AR: variants seen among roughly 807,000 people sequenced by gnomAD.
AR encodes androgen receptor.
In AR, 8 loss-of-function variants were observed where a neutral mutation model predicts 53.9. The ratio of observed to expected loss-of-function variants is 0.15; its 90% CI spans 0.09 to 0.27. The LOEUF is 0.27. Among genes scored for constraint, AR ranks in the 10% least tolerant of loss-of-function variants. AR has a pLI of 1.00. For synonymous variants in AR, 359 were observed against 316.4 expected (o/e 1.13, Z -1.43); for missense variants, 639 against 742.5 (o/e 0.86, Z 1.62).
At chrX:67,552,554 A>T (rs775419804) in intron 1 of AR, among the ~76,000 whole-genome samples, 3 of 112,464 alleles carry the variant, frequency 2.7e-5, no homozygotes, top group African/African-American at 9.7e-5. Flanking sequence ...TTGGATACAT[A>T]CATAGGATTG....
intron 3 of AR, among the ~76,000 whole-genome samples, chrX:67,708,019 G>T (rs2076076405): frequency 8.9e-6 from 1 of 112,252 alleles, no homozygotes; most frequent in African/African-American, 3.2e-5. Context: ...TCCACTGTTA[G>T]TCTGATGGCT....
At chrX:67,562,252 A>G (rs1921355599) in intron 1 of AR, among the ~76,000 whole-genome samples, 1 of 109,751 alleles carries the variant, frequency 9.1e-6, no homozygotes, top group Non-Finnish European at 1.9e-5. Context: ...GCGTGAATCA[A>G]TGTGCCCAGC....
At chrX:67,722,681 C>A in intron 6 of AR, 146 bp from the exon 7 acceptor site, 1 of 656,167 alleles carries the variant, frequency 1.5e-6, no homozygotes, top group Non-Finnish European at 2.4e-6. Flanking sequence ...AGGCCCCAAG[C>A]ACACAGACTT....
intron 3 of AR, among the ~76,000 whole-genome samples, chrX:67,690,260 T>A (rs1279483112): frequency 2.7e-5 from 3 of 112,095 alleles, no homozygotes; most frequent in Non-Finnish European, 5.6e-5. Context: ...CATCTGAGAA[T>A]AAAAACTTAA....
At chrX:67,661,609 G>T (rs191928615) in intron 2 of AR, among the ~76,000 whole-genome samples, 1 of 111,526 alleles carries the variant, frequency 9.0e-6, no homozygotes, top group East Asian at 2.8e-4. Context: ...TTTTATTGAG[G>T]ATTTTTGCAT....
intron 1 of AR, among the ~76,000 whole-genome samples, chrX:67,558,914 G>A (rs766927368): frequency 1.8e-5 from 2 of 112,219 alleles, no homozygotes; most frequent in South Asian, 3.7e-4. Flanking sequence ...CAGGCACAGA[G>A]CAATTAAATA....
At chrX:67,551,342 C>G (rs1159892437) in intron 1 of AR, among the ~76,000 whole-genome samples, 1 of 111,217 alleles carries the variant, frequency 9.0e-6, no homozygotes, top group African/African-American at 3.3e-5. Flanking sequence ...CATTTGAAAA[C>G]AAAGAAAGAT....
chrX:67,712,451 C>T (rs1171839154), intron 4 of AR, among the ~76,000 whole-genome samples: 1 of 112,497 alleles, frequency 8.9e-6, no homozygotes, highest in East Asian at 2.8e-4. Flanking sequence ...CTTATGTCAT[C>T]TGTTGTTTAA....
chrX:67,563,317 T>C (rs1385928796), intron 1 of AR, among the ~76,000 whole-genome samples: 1 of 111,994 alleles, frequency 8.9e-6, no homozygotes, highest in Non-Finnish European at 1.9e-5. Context: ...GCTCTGGGTC[T>C]TACTAGCTTC....
intron 2 of AR, among the ~76,000 whole-genome samples, chrX:67,683,397 TA>T (rs200932471): frequency 1.3e-3 from 135 of 103,983 alleles, no homozygotes; most frequent in Middle Eastern, 5.0e-3. Context: ...TCCTTTACAT[TA>T]AAAAAAAAAA....
rs188172267 is a variant in AR at position 67,676,356 on chromosome X, A to G, written c.1769-9654A>G. The stretch of plus-strand genomic sequence containing the variant: ...TACCTACCAGAGCTTCTCAAAGTGA[A>G]TTTTGTTTATCACCACAAAAAATAG... On this transcript the variant is annotated intron_variant, in intron 2 of 7. Coordinates refer to ENST00000374690, the MANE Select transcript of AR (RefSeq NM_000044.6). Among the ~76,000 whole-genome samples the G allele has an allele frequency of 2.8e-4, 31 of 112,202 alleles. No homozygotes were observed. In the East Asian group the frequency reaches 8.4e-3, roughly 30 times the overall value.
At chrX:67,563,396 T>A (rs1921418651) in intron 1 of AR, among the ~76,000 whole-genome samples, 1 of 111,975 alleles carries the variant, frequency 8.9e-6, no homozygotes, top group South Asian at 3.7e-4. Flanking sequence ...TACTAATGCT[T>A]CCTTTGTTGG....
intron 2 of AR, among the ~76,000 whole-genome samples, chrX:67,663,147 G>T (rs1366777209): frequency 9.0e-6 from 1 of 111,543 alleles, no homozygotes; most frequent in Admixed American, 9.5e-5. Flanking sequence ...ATTGTTATGT[G>T]TGAATTTGAT....
chrX:67,687,479 T>G (rs1306577236), intron 3 of AR, among the ~76,000 whole-genome samples: 4 of 111,935 alleles, frequency 3.6e-5, no homozygotes, highest in African/African-American at 1.3e-4. Flanking sequence ...AGCATCCACA[T>G]CAAATGAGAC....
chrX:67,633,870 A>G (rs1413428670), intron 1 of AR, among the ~76,000 whole-genome samples: 14 of 111,978 alleles, frequency 1.3e-4, no homozygotes, highest in Non-Finnish European at 3.8e-5. Context: ...AAATATTTAG[A>G]GATAGAAAGG....
intron 3 of AR, among the ~76,000 whole-genome samples, chrX:67,693,117 C>T (rs751140612): frequency 8.9e-6 from 1 of 112,604 alleles, no homozygotes; most frequent in Non-Finnish European, 1.9e-5. Flanking sequence ...ATGGTTAGAG[C>T]GAAGTAAATT....
chrX:67,598,789 T>C (rs1247058766), intron 1 of AR, among the ~76,000 whole-genome samples: 7 of 110,771 alleles, frequency 6.3e-5, no homozygotes, highest in Non-Finnish European at 1.3e-4. Flanking sequence ...TTTTCACTTT[T>C]GTTTTTCTTC....
chrX:67,676,752 A>G (rs1225378452), intron 2 of AR, among the ~76,000 whole-genome samples: 3 of 111,495 alleles, frequency 2.7e-5, no homozygotes, highest in East Asian at 5.7e-4. Flanking sequence ...GAGAGGTGAT[A>G]TTATCGGAAT....
chrX:67,571,259 A>G lies in AR; in HGVS notation c.1616+24497A>G, dbSNP rs1366165842. Among the ~76,000 whole-genome samples, 4 of 112,219 alleles carry G rather than the reference A, an allele frequency of 3.6e-5. No individual in the cohort carries two copies. In the Admixed American group the frequency reaches 3.8e-4, roughly 11 times the overall value. On this transcript the variant is annotated intron_variant, in intron 1 of 7. Coordinates refer to ENST00000374690, the MANE Select transcript of AR (RefSeq NM_000044.6). ...TATTATACTTGTTTCTTTGCACGATATTAAAGACAGCTTGTTAAGTGTCAC... is the reference window on the plus strand; with the variant it reads ...TATTATACTTGTTTCTTTGCACGATGTTAAAGACAGCTTGTTAAGTGTCAC...
Sources: gnomAD v4.1 joint callset for allele counts (sites outside exome capture counted in the v4.1 genomes callset) on GRCh38, gnomAD v4.1.1 for gene constraint, MANE v1.5 for transcripts, NCBI Gene and HGNC (gene_info 2026-07-23, HGNC 2026-07-21) for gene names.